MYO9B: variants seen among roughly 807,000 people sequenced by gnomAD.
MYO9B encodes the protein unconventional myosin-IXb.
A neutral mutation model predicts 229.5 loss-of-function variants in MYO9B; 71 were observed. The observed-to-expected ratio is 0.31, with a 90% CI of 0.26 to 0.38. MYO9B has a LOEUF of 0.38. Among genes scored for constraint, MYO9B ranks in the 10% least tolerant of loss-of-function variants. The pLI is 1.00. For missense variants in MYO9B, 2,255 were observed against 2,920.5 expected (o/e 0.77, Z 5.25); for synonymous variants, 1,185 against 1,235.8 (o/e 0.96, Z 0.86).
chr19:17,116,219 T>A (rs1210960328), intron 2 of MYO9B, among the ~76,000 whole-genome samples: 3 of 152,184 alleles, frequency 2.0e-5, no homozygotes, highest in Non-Finnish European at 4.4e-5. Flanking sequence ...GCGCACAGTC[T>A]GCCAGGGACT....
At chr19:17,170,268 A>G (rs1467471717) in intron 11 of MYO9B, among the ~76,000 whole-genome samples, 2 of 152,136 alleles carry the variant, frequency 1.3e-5, no homozygotes, top group Middle Eastern at 3.4e-3. Context: ...ATCTTAACTA[A>G]TTACATCTCC....
At chr19:17,129,120 CG>C (rs762148119) in intron 2 of MYO9B, among the ~76,000 whole-genome samples, 4 of 152,040 alleles carry the variant, frequency 2.6e-5, no homozygotes, top group Admixed American at 6.6e-5. Flanking sequence ...ATCAAGGGAC[CG>C]GGCATGGTGG....
intron 3 of MYO9B, among the ~76,000 whole-genome samples, chr19:17,150,160 C>A (rs958707157): frequency 3.9e-5 from 6 of 152,156 alleles, no homozygotes; most frequent in Non-Finnish European, 8.8e-5. Context: ...CCTGTAATCC[C>A]AGCACTTTGG....
At chr19:17,142,767 G>A (rs894706204) in intron 2 of MYO9B, among the ~76,000 whole-genome samples, 7 of 152,100 alleles carry the variant, frequency 4.6e-5, no homozygotes, top group Admixed American at 2.0e-4. Context: ...GTTTTTGTTT[G>A]TTTGTTTGTT....
intron 2 of MYO9B, among the ~76,000 whole-genome samples, chr19:17,122,955 C>T (rs1163133373): frequency 3.3e-5 from 5 of 151,994 alleles, no homozygotes; most frequent in East Asian, 1.9e-4. Context: ...ATTAAACAGG[C>T]GTGGTGGTGC....
At chr19:17,190,617 A>G (rs936332816) in intron 19 of MYO9B, among the ~76,000 whole-genome samples, 7 of 149,348 alleles carry the variant, frequency 4.7e-5, no homozygotes, top group Non-Finnish European at 8.9e-5. Flanking sequence ...CAGCCTGGGT[A>G]ACAAAGTGAG....
intron 8 of MYO9B, among the ~76,000 whole-genome samples, chr19:17,159,759 G>C (rs2072577712): frequency 6.6e-6 from 1 of 152,248 alleles, no homozygotes; most frequent in Non-Finnish European, 1.5e-5. Context: ...TGGTTGGCCA[G>C]ATCCAGCCCT....
At chr19:17,121,375 G>A (rs1049028164) in intron 2 of MYO9B, among the ~76,000 whole-genome samples, 2 of 151,912 alleles carry the variant, frequency 1.3e-5, no homozygotes, top group African/African-American at 4.8e-5. Context: ...TGAAATCTTG[G>A]TGATTCAGAC....
intron 13 of MYO9B, 141 bp downstream of exon 13, chr19:17,173,104 C>A: frequency 9.5e-7 from 1 of 1,053,698 alleles, no homozygotes; most frequent in Non-Finnish European, 1.4e-6. Context: ...CTGAAGTGTT[C>A]CTGTCACCCT....
chr19:17,098,672 T>C (rs2057715516), intron 1 of MYO9B, among the ~76,000 whole-genome samples: 4 of 152,158 alleles, frequency 2.6e-5, no homozygotes. Context: ...CTCATCCCTA[T>C]AATCTCAGCA....
At chr19:17,105,319 CAAAAAAAAAAAAA>C (rs36000160) in intron 2 of MYO9B, among the ~76,000 whole-genome samples, 34 of 71,660 alleles carry the variant, frequency 4.7e-4, no homozygotes, top group Admixed American at 6.6e-4. Context: ...CTGTCTCTAC[CAAAAAAAAAAAAA>C]AAAAAAAAAA....
chr19:17,160,251 C>G lies in MYO9B; in HGVS notation c.1419+767C>G, dbSNP rs1341313053. ...CTGAGCCCACATGGGTCCAGGGCAC[C>G]ACGTGATATTGCTGCATATCACCCA... On this transcript the variant is annotated intron_variant, in intron 8 of 39. Coordinates refer to ENST00000682292, the MANE Select transcript of MYO9B (RefSeq NM_004145.4). Among the ~76,000 whole-genome samples the G allele has an allele frequency of 2.0e-5, 3 of 152,240 alleles. No individual in the cohort carries two copies. In the South Asian group the frequency reaches 6.2e-4, roughly 32 times the overall value.
chr19:17,174,857 C>T (rs910136562), intron 13 of MYO9B, among the ~76,000 whole-genome samples: 9 of 151,626 alleles, frequency 5.9e-5, no homozygotes, highest in South Asian at 4.2e-4. Flanking sequence ...TCACTTAAAC[C>T]GGGGAGGCAG....
chr19:17,142,868 G>C (rs1426902158), intron 2 of MYO9B, among the ~76,000 whole-genome samples: 2 of 152,160 alleles, frequency 1.3e-5, no homozygotes, highest in Non-Finnish European at 2.9e-5. Context: ...CCCACAGGGT[G>C]TGGCTTACCC....
intron 10 of MYO9B, among the ~76,000 whole-genome samples, chr19:17,163,661 C>G (rs1432880918): frequency 6.6e-6 from 1 of 152,154 alleles, no homozygotes; most frequent in Non-Finnish European, 1.5e-5. Context: ...AGCCACCATG[C>G]CTGGCCCATT....
chr19:17,192,837 G>A lies in MYO9B; in HGVS notation c.2903G>A (p.Arg968Gln), dbSNP rs1798316653. 8 of 1,552,974 alleles carry A rather than the reference G, an allele frequency of 5.2e-6. No homozygotes were observed. The highest frequency in any genetic ancestry group is 2.4e-5 in the East Asian group (1 of 41,044). ...ATCCTGCTGCTGCAGAGCTGGTTCC[G>A]GATGGTGCTGGAGCGTCGGCACTTC... The part of the protein sequence containing the change: ...RKILLLQSWF[R>Q]MVLERRHFLQ... Residue 968 changes from arginine (R) to glutamine (Q), a missense_variant, in exon 21 of 40, where the codon CGG becomes CAG. Physicochemically the swap from Arg to Gln is conservative, Grantham distance 43 (BLOSUM62 1). Transcript: ENST00000682292.
At chr19:17,211,804 C>T in intron 39 of MYO9B, 30 bp downstream of exon 39, 1 of 1,612,494 alleles carries the variant, frequency 6.2e-7, no homozygotes, top group Non-Finnish European at 8.5e-7. Flanking sequence ...CTGCTTTTCT[C>T]CTTCCCGTCC....
In MYO9B at chr19:17,166,962, T is replaced by C. The variant is rs1246725731; in HGVS notation, c.1672-981T>C. Among the ~76,000 whole-genome samples the C allele has an allele frequency of 2.6e-5, 4 of 152,126 alleles. No individual in the cohort carries two copies. The East Asian group carries it at 7.7e-4, about 29-fold the overall frequency. On this transcript the variant is annotated intron_variant, in intron 10 of 39. Coordinates refer to ENST00000682292, the MANE Select transcript of MYO9B (RefSeq NM_004145.4). ...GCTGCAAAGAACACACACATGCAGA[T>C]ACATTTATATGTAAACATGCCTATT...
At chr19:17,138,810 G>A (rs2072302825) in intron 2 of MYO9B, among the ~76,000 whole-genome samples, 1 of 152,164 alleles carries the variant, frequency 6.6e-6, no homozygotes, top group South Asian at 2.1e-4. Context: ...GGCTGTAGGT[G>A]TTTAGTAGGT....
Sources: gnomAD v4.1 joint callset for allele counts (sites outside exome capture counted in the v4.1 genomes callset) on GRCh38, gnomAD v4.1.1 for gene constraint, MANE v1.5 for transcripts, NCBI Gene and HGNC (gene_info 2026-07-23, HGNC 2026-07-21) for gene names.